Variants in FAM120A observed in about 807,000 individuals in gnomAD.
The protein encoded by FAM120A is family with sequence similarity 120 member A, also known as constitutive coactivator of PPAR-gamma-like protein 1.
A neutral mutation model predicts 109.7 loss-of-function variants in FAM120A; 15 were observed. That is an observed-to-expected ratio of 0.14 (90% CI 0.09 to 0.21). The LOEUF is 0.21. Among genes scored for constraint, FAM120A ranks in the 10% least tolerant of loss-of-function variants. The probability of loss-of-function intolerance (pLI) is 1.00; values close to 1 mark genes in which losing one functional copy is unlikely to be tolerated. For missense variants in FAM120A, 899 were observed against 1,439.3 expected (o/e 0.62, Z 6.07); for synonymous variants, 493 against 572.8 (o/e 0.86, Z 1.99).
In FAM120A at chr9:93,565,192, A is replaced by G. The variant is rs1862593799; in HGVS notation, c.*652A>G. ...TTACAAGCAAGTTAAATGGAGATAAAGTTGAAATCATAGAAGATGCAAATG... is the reference window on the plus strand; with the variant it reads ...TTACAAGCAAGTTAAATGGAGATAAGGTTGAAATCATAGAAGATGCAAATG... On this transcript the variant is annotated 3_prime_UTR_variant, in exon 18 of 18. Transcript: ENST00000277165. The G allele has an allele frequency of 6.5e-6, 1 of 152,698 alleles. No homozygotes were observed. The highest frequency in any genetic ancestry group is 6.5e-5 in the Admixed American group (1 of 15,286). The allele number at this position is 152,698 out of a possible 1,614,324, so 9.5% of individuals were successfully genotyped here. A position where few individuals can be genotyped will look rare whatever the true frequency, so the allele number is the denominator to read the frequency against.
intron 7 of FAM120A, among the ~76,000 whole-genome samples, chr9:93,521,497 A>T (rs371010991): frequency 3.0e-4 from 46 of 151,858 alleles, no homozygotes; most frequent in Middle Eastern, 6.8e-3. Flanking sequence ...CGGAAGGATC[A>T]CTTGAGCCCA....
At chr9:93,505,877 G>T (rs1860029890) in intron 5 of FAM120A, among the ~76,000 whole-genome samples, 1 of 134,084 alleles carries the variant, frequency 7.5e-6, no homozygotes, top group Non-Finnish European at 1.6e-5. Flanking sequence ...ATACTACCTG[G>T]CACTGAATTT....
chr9:93,558,519 A>C, intron 14 of FAM120A, 62 bp from the exon 15 acceptor site: 1 of 1,585,276 alleles, frequency 6.3e-7, no homozygotes, highest in South Asian at 1.1e-5. Context: ...CTGAATACCC[A>C]GCAGGGCCCT....
rs747248480 is a variant in FAM120A, at chr9:93,532,829, G to A, written c.1909+500G>A. ...AAGGTCGTGGGACTCACGGATCGTC[G>A]CAGGATTGTGATGATTTGTCTCGGA... is the stretch of plus-strand genomic sequence containing the variant. On this transcript the variant is annotated intron_variant, in intron 10 of 17. Transcript: ENST00000277165. The surrounding 1 kb of genome is among the most constrained non-coding windows in gnomAD (Gnocchi z 4.3). Among the ~76,000 whole-genome samples, 3 of 152,172 alleles carry A rather than the reference G, an allele frequency of 2.0e-5. No homozygotes were observed. The highest frequency in any genetic ancestry group is 4.8e-5 in the African/African-American group (2 of 41,432).
chr9:93,505,051 G>GTT (rs768552939), intron 5 of FAM120A, among the ~76,000 whole-genome samples: 5,228 of 81,108 alleles, frequency 0.064, 1,323 homozygotes, highest in Non-Finnish European at 0.082. Context: ...GTTCGCTTGT[G>GTT]TTTTTTTTTT....
chr9:93,510,363 A>G (rs1306044784), intron 5 of FAM120A, among the ~76,000 whole-genome samples: 2 of 152,192 alleles, frequency 1.3e-5, no homozygotes, highest in Non-Finnish European at 2.9e-5. Flanking sequence ...CTATTGTCTG[A>G]CTTAAAAGAC....
chr9:93,462,342 G>T (rs907893602), intron 1 of FAM120A, among the ~76,000 whole-genome samples: 6 of 152,000 alleles, frequency 3.9e-5, no homozygotes, highest in African/African-American at 1.5e-4. Context: ...GCGCAGTAGC[G>T]TGATCTCAGC....
intron 1 of FAM120A, among the ~76,000 whole-genome samples, chr9:93,463,520 T>C (rs1356371522): frequency 6.6e-6 from 1 of 152,230 alleles, no homozygotes; most frequent in Non-Finnish European, 1.5e-5. Flanking sequence ...TGGAGTTGAC[T>C]TTTTTTAATG....
chr9:93,562,083 T>C, intron 16 of FAM120A, 125 bp from the exon 17 acceptor site: 1 of 789,228 alleles, frequency 1.3e-6, no homozygotes, highest in Non-Finnish European at 2.0e-6. Context: ...ACTTCCGGCA[T>C]AAATGGGTTA....
chr9:93,493,152 A>G (rs1277607889), intron 3 of FAM120A, among the ~76,000 whole-genome samples: 2 of 152,214 alleles, frequency 1.3e-5, no homozygotes, highest in Non-Finnish European at 2.9e-5. Flanking sequence ...TGGTGGCAAA[A>G]TGTCCACCTC....
intron 1 of FAM120A, among the ~76,000 whole-genome samples, chr9:93,463,386 A>T (rs536158939): frequency 6.6e-6 from 1 of 152,340 alleles, no homozygotes; most frequent in East Asian, 1.9e-4. Context: ...GATATATAAG[A>T]TAAGCTTATT....
intron 3 of FAM120A, among the ~76,000 whole-genome samples, chr9:93,496,384 G>T (rs1179929091): frequency 6.6e-6 from 1 of 152,214 alleles, no homozygotes; most frequent in Non-Finnish European, 1.5e-5. Flanking sequence ...CTGATGAAAT[G>T]TATTTCTTTA....
chr9:93,558,148 C>A, intron 14 of FAM120A, 138 bp downstream of exon 14: 1 of 930,440 alleles, frequency 1.1e-6, no homozygotes, highest in South Asian at 1.9e-5. Context: ...AGCAGTTCTT[C>A]AAGTCCGTGA....
intron 11 of FAM120A, among the ~76,000 whole-genome samples, chr9:93,549,285 C>T (rs186993321): frequency 6.6e-6 from 1 of 152,308 alleles, no homozygotes; most frequent in African/African-American, 2.4e-5. Context: ...ACTTTTGCCA[C>T]ATTAATTTGA....
chr9:93,564,457 C>T lies in FAM120A; in HGVS notation c.3274C>T (p.Pro1092Ser). 6.2e-7 allele frequency: 1 copy of T among 1,614,206 alleles called. No individual in the cohort carries two copies. The highest frequency in any genetic ancestry group is 8.5e-7 in the Non-Finnish European group (1 of 1,180,022). Reference sequence around the variant, plus strand: ...TGACTCTAAAACGTGCAATACAAATCCTCATTTAAATGCACTAAGTACAGA... The same window carrying T: ...TGACTCTAAAACGTGCAATACAAATTCTCATTTAAATGCACTAAGTACAGA... The part of the protein sequence containing the change: ...NNDSKTCNTN[P>S]HLNALSTDSA... The change falls in exon 18 of 18, where the codon CCT (proline) becomes TCT (serine). Residue 1092 changes from proline (P) to serine (S), a missense_variant. Physicochemically the swap from Pro to Ser is moderately conservative, Grantham distance 74. Around this residue, in one of 11 missense-constraint regions of FAM120A, gnomAD observed 170 missense variants for 205.0 expected, o/e 0.83. Transcript: ENST00000277165.
At chr9:93,467,246 A>ACCCCC (rs369928187) in intron 1 of FAM120A, among the ~76,000 whole-genome samples, 3 of 62,860 alleles carry the variant, frequency 4.8e-5, no homozygotes, top group Non-Finnish European at 6.4e-5. Context: ...ATCTGCTGTC[A>ACCCCC]CCCCCCCCCC....
intron 5 of FAM120A, among the ~76,000 whole-genome samples, chr9:93,511,717 T>G (rs1860330592): frequency 6.6e-6 from 1 of 152,270 alleles, no homozygotes; most frequent in Non-Finnish European, 1.5e-5. Context: ...ATTATATTGA[T>G]TTGTTTAATC....
chr9:93,494,058 A>G (rs1315120512), intron 3 of FAM120A, among the ~76,000 whole-genome samples: 3 of 152,214 alleles, frequency 2.0e-5, no homozygotes, highest in Non-Finnish European at 2.9e-5. Context: ...AGGTCCAGGC[A>G]GTAGGCGTCC....
intron 5 of FAM120A, among the ~76,000 whole-genome samples, chr9:93,501,333 G>A (rs1168121890): frequency 6.6e-6 from 1 of 152,200 alleles, no homozygotes; most frequent in Admixed American, 6.5e-5. Context: ...AATAGGCAAG[G>A]TGAGTTAAGT....
Sources: allele counts gnomAD v4.1 joint callset (sites outside exome capture counted in the v4.1 genomes callset), GRCh38; gene constraint gnomAD v4.1.1; regional missense constraint gnomAD v4.1.1; non-coding constraint Gnocchi (gnomAD v3.1); transcripts MANE v1.5; gene names NCBI Gene and HGNC (gene_info 2026-07-23, HGNC 2026-07-21).